DLG3: variants seen among roughly 807,000 people sequenced by gnomAD.
DLG3 encodes the protein disks large homolog 3.
DLG3 carries 1 observed loss-of-function variant against 64.1 expected under a neutral mutation model. The ratio of observed to expected loss-of-function variants is 0.02; its 90% CI spans 0.01 to 0.07. The LOEUF (loss-of-function observed/expected upper bound fraction) is 0.07, where lower values mean the gene tolerates loss of function less well. DLG3 is among the 10% of genes least tolerant of loss of function. The probability of loss-of-function intolerance (pLI) is 1.00; values close to 1 mark genes in which losing one functional copy is unlikely to be tolerated. For missense variants in DLG3, 429 were observed against 669.5 expected (o/e 0.64, Z 3.96); for synonymous variants, 245 against 259.8 (o/e 0.94, Z 0.55).
chrX:70,494,032 G>A (rs191046813), intron 12 of DLG3, among the ~76,000 whole-genome samples: 87 of 112,217 alleles, frequency 7.8e-4, no homozygotes, highest in Non-Finnish European at 1.4e-3. Context: ...CAGACTCGCT[G>A]TCATCCTAGA....
chrX:70,502,145 T>A lies in DLG3; in HGVS notation c.2348-18T>A. On this transcript the variant is annotated intron_variant, in intron 18 of 18. Coordinates refer to ENST00000374360, the MANE Select transcript of DLG3 (RefSeq NM_021120.4). ...GCTATGGACCACAGTAATAATTTTGTTTTCCTCTTCACTTTAGCCATTGTA... is the reference window on the plus strand; with the variant it reads ...GCTATGGACCACAGTAATAATTTTGATTTCCTCTTCACTTTAGCCATTGTA... 1 of 1,160,127 alleles carries A rather than the reference T, an allele frequency of 8.6e-7. No individual in the cohort carries two copies. The highest frequency in any genetic ancestry group is 1.2e-6 in the Non-Finnish European group (1 of 849,654).
chrX:70,450,812 T>C lies in DLG3; in HGVS notation c.985+29T>C, dbSNP rs368401595. The stretch of plus-strand genomic sequence containing the variant: ...CGTACTCATCAGCCCCTGTCCCTGG[T>C]CTAAAGCTCTGTCCCCTGGTTTCTG... On this transcript the variant is annotated intron_variant, in intron 6 of 18. Transcript: ENST00000374360. 74 of 1,208,684 alleles carry C rather than the reference T, an allele frequency of 6.1e-5. 1 individual carries two copies. The African/African-American group carries it at 1.2e-3, about 20-fold the overall frequency.
rs894528403 is a variant in DLG3, at chrX:70,445,005, G to C, written c.-197G>C. On this transcript the variant is annotated 5_prime_UTR_variant, in exon 1 of 19. Transcript: ENST00000374360. ...GAGCCGTGGGTGCGGGGCAGCGTGG[G>C]GGCCGAGGCCCCGGGACGCCCGCCC... 16 of 262,120 alleles carry C rather than the reference G, an allele frequency of 6.1e-5. No individual in the cohort carries two copies. Among genetic ancestry groups the C allele is most frequent in the African/African-American group, 8.7e-5 (3 of 34,676 alleles). 21.6% of individuals were successfully genotyped at this position (262,120 alleles called of 1,213,427 possible).
chrX:70,494,314 C>G (rs758530644), intron 12 of DLG3, among the ~76,000 whole-genome samples: 1 of 112,477 alleles, frequency 8.9e-6, no homozygotes, highest in East Asian at 2.8e-4. Flanking sequence ...TCACTTGTCT[C>G]ATCATGAACA....
chrX:70,482,139 G>T (rs1051249200), intron 10 of DLG3, among the ~76,000 whole-genome samples: 9 of 112,471 alleles, frequency 8.0e-5, no homozygotes, highest in African/African-American at 1.6e-4. Flanking sequence ...GGAAGGAAGA[G>T]CTAATGATTA....
chrX:70,501,627 C>T (rs376548823), intron 18 of DLG3, among the ~76,000 whole-genome samples: 25 of 111,341 alleles, frequency 2.2e-4, no homozygotes, highest in African/African-American at 8.2e-4. Context: ...GTCTTCAGAG[C>T]TCCCTTTACC....
At chrX:70,460,813 A>G (rs1007674090) in intron 9 of DLG3, among the ~76,000 whole-genome samples, 1 of 111,747 alleles carries the variant, frequency 8.9e-6, no homozygotes, top group African/African-American at 3.3e-5. Flanking sequence ...CAATCTGGAC[A>G]TTGCATATAA....
At chrX:70,458,365 G>T (rs2086750502) in intron 9 of DLG3, among the ~76,000 whole-genome samples, 1 of 112,286 alleles carries the variant, frequency 8.9e-6, no homozygotes, top group African/African-American at 3.2e-5. Context: ...AAAGATGATG[G>T]GTTTAGGACA....
In DLG3 at chrX:70,463,538, A is replaced by C. The variant is rs188363265; in HGVS notation, c.1405+9222A>C. 1.4e-3 allele frequency among the ~76,000 whole-genome samples: 156 copies of C among 111,903 alleles called. 1 individual carries two copies. The highest frequency in any genetic ancestry group is 0.013 in the Admixed American group (137 of 10,528). On this transcript the variant is annotated intron_variant, in intron 9 of 18. Transcript: ENST00000374360. Reference sequence around the variant, plus strand: ...TGTTGAAATCTTGACTCTGATATTGACACTGTTCCTTTGTTTAAAGCTTTA... The same window carrying C: ...TGTTGAAATCTTGACTCTGATATTGCCACTGTTCCTTTGTTTAAAGCTTTA...
Position 70,449,633 on chromosome X carries a change from G to A in DLG3, c.534-57G>A, listed in dbSNP as rs980649267. On this transcript the variant is annotated intron_variant, in intron 3 of 18. Transcript: ENST00000374360. ...GAGGACAGAGAAGTGGGAGGAAGCA[G>A]GAGAGGGGGTGGAGGGGTAGGGGCA... 7 of 1,191,105 alleles carry A rather than the reference G, an allele frequency of 5.9e-6. No homozygotes were observed. In the Admixed American group the frequency reaches 1.1e-4, roughly 19 times the overall value.
At chrX:70,454,061 C>CTAAA (rs1212519070) in intron 8 of DLG3, among the ~76,000 whole-genome samples, 153 bp from the exon 9 acceptor site, 1 of 112,129 alleles carries the variant, frequency 8.9e-6, no homozygotes, top group Non-Finnish European at 1.9e-5. Flanking sequence ...ATGTCGTATC[C>CTAAA]TTTAGGCCTT....
rs1482563566 is a variant in DLG3 at position 70,504,301 on chromosome X, C to G, written c.*2032C>G. On this transcript the variant is annotated 3_prime_UTR_variant, in exon 19 of 19. Transcript: ENST00000374360. ...ACAAAGATTCAAAGTAAGCATGATA[C>G]TAGTGGGTTTACCAGTGTTTCTTCC... The G allele has an allele frequency of 2.7e-5, 3 of 112,462 alleles. No homozygotes were observed. In the East Asian group the frequency reaches 8.4e-4, roughly 32 times the overall value. 9.3% of individuals were successfully genotyped at this position (112,462 alleles called of 1,213,427 possible).
chrX:70,479,275 C>T lies in DLG3; in HGVS notation c.1520+11C>T, dbSNP rs376809646. On this transcript the variant is annotated intron_variant, in intron 10 of 18. Transcript: ENST00000374360. The stretch of plus-strand genomic sequence containing the variant: ...GTCCTTGTATGTCAGGTAAGTTGCC[C>T]TTCAGAGCACTAGCCCTTGTGCTGG... 1.6e-4 allele frequency: 183 copies of T among 1,136,893 alleles called. No individual in the cohort carries two copies. In the African/African-American group the frequency reaches 2.9e-3, roughly 18 times the overall value. 93.7% of individuals were successfully genotyped at this position (1,136,893 alleles called of 1,213,427 possible).
intron 7 of DLG3, chrX:70,453,301 G>A (rs2086646546): frequency 4.2e-6 from 1 of 236,123 alleles, no homozygotes; most frequent in Non-Finnish European, 7.6e-6. Context: ...GGTAGGATAG[G>A]AGAATCTGGG....
At chrX:70,470,274 G>A (rs1272546124) in intron 9 of DLG3, among the ~76,000 whole-genome samples, 1 of 110,096 alleles carries the variant, frequency 9.1e-6, no homozygotes, top group Non-Finnish European at 1.9e-5. Flanking sequence ...TGTTGCCCAG[G>A]CTGGAGTGCA....
At position 70,450,010 on chromosome X, in the gene DLG3, C is replaced by A. The variant is rs1602867056; in HGVS notation, c.703+151C>A. The A allele has an allele frequency of 2.5e-5, 24 of 976,902 alleles. No individual in the cohort carries two copies. The East Asian group carries it at 8.1e-4, about 33-fold the overall frequency. 80.5% of individuals were successfully genotyped at this position (976,902 alleles called of 1,213,427 possible). ...CTACTTTTTTGACCTCAGGCCTCAC[C>A]CTTACTCATCTCAGGATGGCAGCTT... On this transcript the variant is annotated intron_variant, in intron 4 of 18. Transcript: ENST00000374360.
rs1177766409 is a variant in DLG3 at position 70,449,491 on chromosome X, G to T, written c.533+8G>T. On this transcript the variant is annotated splice_region_variant and intron_variant, in intron 3 of 18. Coordinates refer to ENST00000374360, the MANE Select transcript of DLG3 (RefSeq NM_021120.4). ...CATGGATGGGAGGCTGGGGTGAGAT[G>T]GCCTGGAAGCAGGGTTGTGGGTGGC... 2 of 1,207,925 alleles carry T rather than the reference G, an allele frequency of 1.7e-6. No homozygotes were observed. The highest frequency in any genetic ancestry group is 5.9e-5 in the East Asian group (2 of 33,681).
At chrX:70,455,506 C>T (rs963686772) in intron 9 of DLG3, among the ~76,000 whole-genome samples, 3 of 109,996 alleles carry the variant, frequency 2.7e-5, no homozygotes, top group African/African-American at 1.0e-4. Flanking sequence ...TTAGCCATCA[C>T]CTCTCCCCCA....
intron 9 of DLG3, among the ~76,000 whole-genome samples, chrX:70,474,449 A>T (rs1364058721): frequency 9.0e-6 from 1 of 110,912 alleles, no homozygotes; most frequent in Admixed American, 9.6e-5. Flanking sequence ...GCAAAATTTG[A>T]GGAAACACTG....
Sources: gnomAD v4.1 joint callset for allele counts (sites outside exome capture counted in the v4.1 genomes callset) on GRCh38, gnomAD v4.1.1 for gene constraint, MANE v1.5 for transcripts, NCBI Gene and HGNC (gene_info 2026-07-23, HGNC 2026-07-21) for gene names.